The following LEMD1 variants were observed in gnomAD, a reference collection of about 807,000 sequenced individuals.
LEMD1 encodes the protein LEM domain containing 1.
Under a neutral mutation model 17.4 loss-of-function variants are expected in LEMD1, and 18 were observed. The ratio of observed to expected loss-of-function variants is 1.04; its 90% CI spans 0.72 to 1.54. The LOEUF (loss-of-function observed/expected upper bound fraction) is 1.54, where lower values mean the gene tolerates loss of function less well. LEMD1 is among the 40% of genes most tolerant of loss of function. LEMD1 has a pLI of 0.00. For synonymous variants in LEMD1, 88 were observed against 77.8 expected, an observed-to-expected ratio of 1.13 and a Z score of -0.69; for missense variants, 195 against 210.4, an observed-to-expected ratio of 0.93 and a Z score of 0.45.
Position 205,394,038 on chromosome 1 carries a change from T to G in LEMD1, c.271-9674A>C, listed in dbSNP as rs149803873. On this transcript the variant is annotated intron_variant, in intron 4 of 5. Transcript: ENST00000367153. The stretch of plus-strand genomic sequence containing the variant: ...AATTCAGCCATAAAAAGGAATGAAG[T>G]GCTGACGCAAATACATGGACAACAT... Among the ~76,000 whole-genome samples, 1,271 of 152,264 alleles carry G rather than the reference T, an allele frequency of 8.3e-3. 12 individuals carry two copies. The highest frequency in any genetic ancestry group is 0.029 in the African/African-American group (1,212 of 41,552).
intron 1 of LEMD1, among the ~76,000 whole-genome samples, chr1:205,433,413 C>A (rs1409695245): frequency 6.6e-6 from 1 of 150,486 alleles, no homozygotes; most frequent in African/African-American, 2.4e-5. Flanking sequence ...GCCGAGGTTG[C>A]GCCACTGCAC....
At position 205,441,568 on chromosome 1, in the gene LEMD1, C is replaced by T. The variant is rs960517135; in HGVS notation, c.-39+8300G>A. Among the ~76,000 whole-genome samples the T allele has an allele frequency of 2.6e-5, 4 of 152,226 alleles. No individual in the cohort carries two copies. Among genetic ancestry groups the T allele is most frequent in the African/African-American group, 7.2e-5 (3 of 41,542 alleles). On this transcript the variant is annotated intron_variant, in intron 1 of 3. Transcript: ENST00000367154. This position sits in a 1 kb window ranked among gnomAD's most constrained non-coding sequence, Gnocchi z 4.3. ...GTAGCTTTACTTTGACACCTGGGAC[C>T]GAGTCAGATTCCTCCCTTCCTTAAC... is the stretch of plus-strand genomic sequence containing the variant.
intron 1 of LEMD1, among the ~76,000 whole-genome samples, chr1:205,449,006 A>G (rs1999131): frequency 0.36 from 55,035 of 151,898 alleles, 10,270 homozygotes; most frequent in Non-Finnish European, 0.41. Flanking sequence ...CCATTCTTGC[A>G]TAGTTTAGAG....
At chr1:205,435,180 C>G (rs1240794089) in intron 1 of LEMD1, 1 of 152,298 alleles carries the variant, frequency 6.6e-6, no homozygotes, top group South Asian at 2.1e-4. Context: ...GTCTTGAGGA[C>G]GTGAAATGTA....
At chr1:205,424,553 G>A (rs1433649075), upstream of LEMD1, among the ~76,000 whole-genome samples, 2 of 152,170 alleles carry the variant, frequency 1.3e-5, no homozygotes, top group African/African-American at 2.4e-5. Flanking sequence ...TCCTTAAAGA[G>A]AAAAGGAAAC....
At chr1:205,440,115 C>A (rs923756807) in intron 1 of LEMD1, among the ~76,000 whole-genome samples, 1 of 152,110 alleles carries the variant, frequency 6.6e-6, no homozygotes, top group African/African-American at 2.4e-5. Context: ...CAAGGGAGGG[C>A]ACGGCTCAGT....
At chr1:205,394,911 A>G (rs1411855596) in intron 4 of LEMD1, among the ~76,000 whole-genome samples, 1 of 151,538 alleles carries the variant, frequency 6.6e-6, no homozygotes, top group Non-Finnish European at 1.5e-5. Flanking sequence ...CGCTTGAACC[A>G]GGGAGGCAGA....
chr1:205,409,487 T>G (rs945446330), intron 4 of LEMD1, among the ~76,000 whole-genome samples: 1 of 152,328 alleles, frequency 6.6e-6, no homozygotes, highest in South Asian at 2.1e-4. Context: ...CTCTGTGAGG[T>G]TGATACTGTT....
At chr1:205,403,478 T>C (rs1664947237) in intron 4 of LEMD1, among the ~76,000 whole-genome samples, 1 of 152,210 alleles carries the variant, frequency 6.6e-6, no homozygotes, top group Non-Finnish European at 1.5e-5. Context: ...GATTTTCTAG[T>C]TTATTTGCAT....
chr1:205,386,904 C>CTTT (rs1664059060), intron 4 of LEMD1: 1 of 152,226 alleles, frequency 6.6e-6, no homozygotes, highest in Admixed American at 6.5e-5. Context: ...TAAGCAAATT[C>CTTT]TTTTTTTACT....
chr1:205,411,096 GAA>G (rs1301624498), intron 4 of LEMD1, among the ~76,000 whole-genome samples: 15 of 124,128 alleles, frequency 1.2e-4, no homozygotes, highest in Admixed American at 5.0e-4. Context: ...AAAGAAGAAA[GAA>G]AAAAGAAAGA....
At chr1:205,445,087 G>C (rs958123142) in intron 1 of LEMD1, among the ~76,000 whole-genome samples, 3 of 152,136 alleles carry the variant, frequency 2.0e-5, no homozygotes, top group Non-Finnish European at 4.4e-5. Flanking sequence ...TGCGGCTTAG[G>C]AGACCGGATT....
chr1:205,438,682 G>A (rs1204423295), intron 1 of LEMD1, among the ~76,000 whole-genome samples: 1 of 152,178 alleles, frequency 6.6e-6, no homozygotes, highest in East Asian at 1.9e-4. Context: ...CCTCAGCCCT[G>A]GGTGAAGAAG....
chr1:205,391,103 G>A (rs897977240), intron 4 of LEMD1, among the ~76,000 whole-genome samples: 6 of 151,998 alleles, frequency 3.9e-5, no homozygotes, highest in Non-Finnish European at 7.3e-5. Flanking sequence ...TAAAAATACC[G>A]ATGTATATAT....
intron 1 of LEMD1, among the ~76,000 whole-genome samples, chr1:205,421,266 T>C (rs1665949169): frequency 6.6e-6 from 1 of 152,184 alleles, no homozygotes; most frequent in South Asian, 2.1e-4. Context: ...ATCCACTTGA[T>C]CCCTTGATCT....
chr1:205,391,285 T>C (rs1664319540), intron 4 of LEMD1, among the ~76,000 whole-genome samples: 1 of 152,028 alleles, frequency 6.6e-6, no homozygotes, highest in East Asian at 1.9e-4. Context: ...ATGAAGACTC[T>C]GGAAGATATA....
chr1:205,406,017 G>A (rs956679880), intron 4 of LEMD1, among the ~76,000 whole-genome samples: 8 of 152,178 alleles, frequency 5.3e-5, no homozygotes, highest in Non-Finnish European at 7.3e-5. Context: ...GCAGAACCGC[G>A]GATTTTCGTG....
chr1:205,408,514 T>G (rs1253551104), intron 4 of LEMD1, among the ~76,000 whole-genome samples: 4 of 151,010 alleles, frequency 2.6e-5, no homozygotes, highest in Non-Finnish European at 5.9e-5. Flanking sequence ...TTTTTTTTTT[T>G]TTTTGAGACA....
chr1:205,405,186 G>A (rs1665034306), intron 4 of LEMD1, among the ~76,000 whole-genome samples: 1 of 151,744 alleles, frequency 6.6e-6, no homozygotes, highest in African/African-American at 2.4e-5. Context: ...GTGTCTTGGA[G>A]TTGCTCTTCT....
Sources: gnomAD v4.1 joint callset for allele counts (sites outside exome capture counted in the v4.1 genomes callset) on GRCh38, gnomAD v4.1.1 for gene constraint, Gnocchi (gnomAD v3.1) non-coding constraint, MANE v1.5 for transcripts, NCBI Gene and HGNC (gene_info 2026-07-23, HGNC 2026-07-21) for gene names.